The following NAV2 variants were observed in gnomAD, a reference collection of about 807,000 sequenced individuals.
NAV2 encodes neuron navigator 2, also known as helicase, APC down-regulated 1.
A neutral mutation model predicts 223.2 loss-of-function variants in NAV2; 54 were observed. The observed-to-expected ratio is 0.24, with a 90% CI of 0.19 to 0.30. The LOEUF is 0.30. Among genes scored for constraint, NAV2 ranks in the 10% least tolerant of loss-of-function variants. The pLI is 1.00. For synonymous variants in NAV2, 1,279 were observed against 1,239.3 expected (o/e 1.03, Z -0.67); for missense variants, 2,806 against 3,147.5 (o/e 0.89, Z 2.60).
chr11:19,892,896 A>T (rs1400171370), intron 6 of NAV2, among the ~76,000 whole-genome samples: 1 of 152,208 alleles, frequency 6.6e-6, no homozygotes, highest in Non-Finnish European at 1.5e-5. Flanking sequence ...TTTTCATGGA[A>T]TATGTTCCAT....
At chr11:19,899,644 C>T (rs942036508) in intron 6 of NAV2, among the ~76,000 whole-genome samples, 1 of 152,178 alleles carries the variant, frequency 6.6e-6, no homozygotes, top group Non-Finnish European at 1.5e-5. Flanking sequence ...AGGAATGATG[C>T]TCACGTGTTC....
chr11:19,555,283 G>A (rs2134699443), intron 1 of NAV2, among the ~76,000 whole-genome samples: 1 of 152,338 alleles, frequency 6.6e-6, no homozygotes, highest in East Asian at 1.9e-4. Flanking sequence ...CTGGGGCTGG[G>A]AAGAGCTGCA....
In NAV2 at chr11:19,880,027, AC is replaced by A; in HGVS notation, c.674del (p.Pro225LeufsTer99). ...GGCCCCCTCCCAGTGCCAGGCTGGCACCCCTCAGCAGCAGGTGCCAGTCACT... is the reference window on the plus strand; with the variant it reads ...GGCCCCCTCCCAGTGCCAGGCTGGCACCCTCAGCAGCAGGTGCCAGTCACT... ...AGAPSQCQAG[T>X]PQQQVPVTPQ... On this transcript the variant is annotated frameshift_variant, in exon 5 of 38. Transcript: ENST00000349880. LOFTEE classifies it high-confidence loss of function. 1.2e-6 allele frequency: 2 copies of A among 1,613,444 alleles called. No homozygotes were observed. Among genetic ancestry groups the A allele is most frequent in the Non-Finnish European group, 1.7e-6 (2 of 1,179,770 alleles).
chr11:19,731,964 G>A (rs2152419748), intron 1 of NAV2, among the ~76,000 whole-genome samples: 1 of 152,284 alleles, frequency 6.6e-6, no homozygotes, highest in South Asian at 2.1e-4. Flanking sequence ...GGCTTGTACA[G>A]TATTTTGCTG....
intron 1 of NAV2, among the ~76,000 whole-genome samples, chr11:19,662,843 C>T (rs1269703453): frequency 6.6e-6 from 1 of 152,258 alleles, no homozygotes; most frequent in African/African-American, 2.4e-5. Context: ...CTCCTCTTGC[C>T]ACTCCATATC....
chr11:19,876,946 A>G (rs1275339848), intron 4 of NAV2, among the ~76,000 whole-genome samples: 1 of 139,762 alleles, frequency 7.2e-6, no homozygotes, highest in East Asian at 2.1e-4. Context: ...ATATTTATAT[A>G]TTTATTTATC....
chr11:19,860,004 C>CA (rs2061626897), intron 3 of NAV2, among the ~76,000 whole-genome samples: 1 of 124,644 alleles, frequency 8.0e-6, no homozygotes, highest in Non-Finnish European at 1.7e-5. Flanking sequence ...GGCTGACCCC[C>CA]CCTCCCTCCC....
chr11:19,519,258 A>G (rs1311911857), intron 1 of NAV2, among the ~76,000 whole-genome samples: 3 of 151,664 alleles, frequency 2.0e-5, no homozygotes, highest in African/African-American at 7.3e-5. Flanking sequence ...CTCTCAGGGC[A>G]GGCTTCCCAG....
intron 1 of NAV2, among the ~76,000 whole-genome samples, chr11:19,470,674 C>T (rs1226152027): frequency 3.3e-5 from 5 of 152,006 alleles, no homozygotes; most frequent in Non-Finnish European, 7.3e-5. Flanking sequence ...GTTTTCAACA[C>T]ATGAAACTTG....
chr11:20,076,649 C>T (rs973271491), intron 22 of NAV2, among the ~76,000 whole-genome samples: 6 of 152,208 alleles, frequency 3.9e-5, no homozygotes, highest in African/African-American at 1.4e-4. Flanking sequence ...TACTCTGCTT[C>T]ACAGTCAAAA....
At chr11:19,443,338 G>A (rs757463197) in intron 1 of NAV2, among the ~76,000 whole-genome samples, 7 of 152,132 alleles carry the variant, frequency 4.6e-5, no homozygotes, top group Non-Finnish European at 1.0e-4. Context: ...CTGCAATGAC[G>A]GAGAAGTATA....
intron 1 of NAV2, among the ~76,000 whole-genome samples, chr11:19,554,487 G>T (rs1487192): frequency 6.6e-6 from 1 of 152,026 alleles, no homozygotes; most frequent in African/African-American, 2.4e-5. Context: ...TAGAAAATGC[G>T]TTGCCCTGAA....
intron 6 of NAV2, among the ~76,000 whole-genome samples, chr11:19,914,525 A>G (rs984831618): frequency 5.3e-5 from 8 of 150,064 alleles, no homozygotes; most frequent in Non-Finnish European, 1.0e-4. Context: ...AAAATTTAAT[A>G]TTGTTGTTCC....
chr11:20,103,444 G>C, intron 33 of NAV2, 35 bp downstream of exon 33: 1 of 1,601,816 alleles, frequency 6.2e-7, no homozygotes, highest in Non-Finnish European at 8.5e-7. Flanking sequence ...AGCCCCCCGG[G>C]AGAGAGTGCT....
intron 1 of NAV2, among the ~76,000 whole-genome samples, chr11:19,759,562 C>T (rs554494041): frequency 2.6e-5 from 4 of 152,270 alleles, no homozygotes; most frequent in Non-Finnish European, 4.4e-5. Context: ...CAGAATAAAT[C>T]GATTGCTTGG....
At chr11:19,357,582 C>A (rs1215936897) in intron 1 of NAV2, among the ~76,000 whole-genome samples, 1 of 152,012 alleles carries the variant, frequency 6.6e-6, no homozygotes, top group African/African-American at 2.4e-5. Context: ...CTGTAAGAGG[C>A]CTATTGGAGG....
chr11:19,785,422 A>G (rs1047391100), intron 1 of NAV2, among the ~76,000 whole-genome samples: 1 of 152,214 alleles, frequency 6.6e-6, no homozygotes, highest in African/African-American at 2.4e-5. Flanking sequence ...CAGATGACAT[A>G]ACCCTGCCAT....
chr11:19,452,391 T>C (rs898010350), intron 1 of NAV2, among the ~76,000 whole-genome samples: 4 of 152,104 alleles, frequency 2.6e-5, no homozygotes, highest in Admixed American at 6.5e-5. Flanking sequence ...CAAATGACCA[T>C]ATTGACCATG....
intron 1 of NAV2, among the ~76,000 whole-genome samples, chr11:19,411,647 C>A (rs977668689): frequency 6.6e-6 from 1 of 152,062 alleles, no homozygotes; most frequent in Non-Finnish European, 1.5e-5. Flanking sequence ...AGGAGAGGGC[C>A]AGAGATGTGA....
Sources: allele counts gnomAD v4.1 joint callset (sites outside exome capture counted in the v4.1 genomes callset), GRCh38; gene constraint gnomAD v4.1.1; transcripts MANE v1.5; gene names NCBI Gene and HGNC (gene_info 2026-07-23, HGNC 2026-07-21).